The following COL25A1 variants were observed in gnomAD, a reference collection of about 807,000 sequenced individuals.
COL25A1 encodes the protein collagen alpha-1(XXV) chain.
Under a neutral mutation model 128.4 loss-of-function variants are expected in COL25A1, and 103 were observed. The ratio of observed to expected loss-of-function variants is 0.80; its 90% CI spans 0.68 to 0.94. The LOEUF (loss-of-function observed/expected upper bound fraction) is 0.94. COL25A1 is among the 40% of genes least tolerant of loss of function. The pLI is 0.00. For synonymous variants in COL25A1, 279 were observed against 277.2 expected, an observed-to-expected ratio of 1.01 and a Z score of -0.06; for missense variants, 745 against 840.0, an observed-to-expected ratio of 0.89 and a Z score of 1.40.
At chr4:109,099,931 C>A (rs1765739211) in intron 3 of COL25A1, among the ~76,000 whole-genome samples, 2 of 152,154 alleles carry the variant, frequency 1.3e-5, no homozygotes, top group African/African-American at 2.4e-5. Context: ...ATTTTTTTCA[C>A]CTCCAAATTG....
intron 3 of COL25A1, among the ~76,000 whole-genome samples, chr4:109,214,294 A>T (rs1451941121): frequency 6.6e-6 from 1 of 152,164 alleles, no homozygotes; most frequent in Admixed American, 6.6e-5. Context: ...CAATAGCATT[A>T]AAATGAGGCT....
At chr4:109,000,907 C>T (rs1461380904) in intron 6 of COL25A1, among the ~76,000 whole-genome samples, 1 of 150,328 alleles carries the variant, frequency 6.7e-6, no homozygotes, top group Non-Finnish European at 1.5e-5. Flanking sequence ...TGTGTGGAAA[C>T]TGAGTGTGTC....
intron 27 of COL25A1, 143 bp from the exon 28 acceptor site, chr4:108,846,362 T>C: frequency 1.6e-6 from 1 of 635,134 alleles, no homozygotes; most frequent in Non-Finnish European, 2.9e-6. Context: ...TTAGGTAGAG[T>C]TATTTCTTAC....
chr4:109,171,405 G>A (rs1305802064), intron 3 of COL25A1, among the ~76,000 whole-genome samples: 3 of 152,144 alleles, frequency 2.0e-5, no homozygotes, highest in Non-Finnish European at 4.4e-5. Flanking sequence ...GGTCATGAGG[G>A]TGGAATTCAC....
At chr4:108,829,092 A>C (rs1732741719) in intron 32 of COL25A1, among the ~76,000 whole-genome samples, 1 of 152,256 alleles carries the variant, frequency 6.6e-6, no homozygotes, top group Non-Finnish European at 1.5e-5. Flanking sequence ...CACAGTGGCC[A>C]GATTTTAAAT....
chr4:109,186,553 T>G (rs1775149932), intron 3 of COL25A1, among the ~76,000 whole-genome samples: 1 of 152,210 alleles, frequency 6.6e-6, no homozygotes, highest in East Asian at 1.9e-4. Flanking sequence ...AATCTAAGAA[T>G]GTTCTAGCAG....
intron 3 of COL25A1, among the ~76,000 whole-genome samples, chr4:109,187,788 T>C (rs1254811346): frequency 6.6e-6 from 1 of 152,200 alleles, no homozygotes; most frequent in East Asian, 1.9e-4. Context: ...GGATGTGATG[T>C]CTTCTCTCAT....
chr4:109,298,911 C>T (rs1032400857), intron 3 of COL25A1, among the ~76,000 whole-genome samples: 5 of 152,120 alleles, frequency 3.3e-5, no homozygotes, highest in African/African-American at 1.2e-4. Flanking sequence ...TTATTACGTT[C>T]ACATGCTAAG....
chr4:109,192,029 T>C (rs967715106), intron 3 of COL25A1, among the ~76,000 whole-genome samples: 1 of 152,228 alleles, frequency 6.6e-6, no homozygotes, highest in African/African-American at 2.4e-5. Flanking sequence ...CTAAGTTAAA[T>C]AGCCATTTGA....
At chr4:108,925,870 G>T (rs1745990010) in intron 11 of COL25A1, among the ~76,000 whole-genome samples, 1 of 152,102 alleles carries the variant, frequency 6.6e-6, no homozygotes, top group Non-Finnish European at 1.5e-5. Flanking sequence ...AAATTACATG[G>T]TATCATTAAC....
At chr4:108,841,755 T>C (rs752753327) in intron 30 of COL25A1, 34 bp from the exon 31 acceptor site, 21 of 1,549,982 alleles carry the variant, frequency 1.4e-5, no homozygotes, top group African/African-American at 2.7e-5. Context: ...TAATTAAGAA[T>C]TGATTCCCTG....
intron 3 of COL25A1, among the ~76,000 whole-genome samples, chr4:109,297,124 A>T (rs1223200739): frequency 1.3e-5 from 2 of 152,100 alleles, no homozygotes; most frequent in Admixed American, 6.6e-5. Flanking sequence ...TATTATTTTT[A>T]AAATTATCAT....
intron 13 of COL25A1, among the ~76,000 whole-genome samples, chr4:108,907,528 C>T (rs927514003): frequency 2.6e-5 from 4 of 152,216 alleles, no homozygotes; most frequent in African/African-American, 4.8e-5. Flanking sequence ...TCACTAACAT[C>T]TGCTTTTCCC....
Position 109,293,042 on chromosome 4 carries a change from T to C in COL25A1, c.367+7541A>G, listed in dbSNP as rs139475419. 4.6e-5 allele frequency among the ~76,000 whole-genome samples: 7 copies of C among 152,108 alleles called. No individual in the cohort carries two copies. In the South Asian group the frequency reaches 1.5e-3, roughly 32 times the overall value. On this transcript the variant is annotated intron_variant, in intron 3 of 37. Coordinates refer to ENST00000399132, the MANE Select transcript of COL25A1 (RefSeq NM_198721.4). ...TTAAAATGCCAGCTGGAATCTGGAG[T>C]CCCTGAGATGACAAATTGGGGTTTC...
At chr4:109,276,736 A>G (rs1048674512) in intron 3 of COL25A1, among the ~76,000 whole-genome samples, 24 of 152,276 alleles carry the variant, frequency 1.6e-4, no homozygotes, top group Admixed American at 7.2e-4. Context: ...GAATTCTCTC[A>G]ATGATGGCGA....
chr4:109,164,568 A>T (rs528925975), intron 3 of COL25A1, among the ~76,000 whole-genome samples: 1 of 152,196 alleles, frequency 6.6e-6, no homozygotes, highest in Non-Finnish European at 1.5e-5. Flanking sequence ...TACTCCAACT[A>T]GTGCAAGTTT....
chr4:108,976,694 A>G (rs1465020582), intron 6 of COL25A1, among the ~76,000 whole-genome samples: 1 of 152,212 alleles, frequency 6.6e-6, no homozygotes, highest in East Asian at 1.9e-4. Context: ...GGAGGCTGCT[A>G]TGTCACTGCA....
chr4:108,850,833 G>A (rs1196359811), intron 26 of COL25A1, among the ~76,000 whole-genome samples: 1 of 152,076 alleles, frequency 6.6e-6, no homozygotes, highest in Non-Finnish European at 1.5e-5. Flanking sequence ...AAAACCAGGG[G>A]AATATAGGTT....
At chr4:109,168,729 C>A (rs778684242) in intron 3 of COL25A1, among the ~76,000 whole-genome samples, 13 of 152,096 alleles carry the variant, frequency 8.5e-5, no homozygotes, top group South Asian at 2.1e-4. Context: ...AAAACTAAAC[C>A]AAGCTGTGAC....
Sources: allele counts gnomAD v4.1 joint callset (sites outside exome capture counted in the v4.1 genomes callset), GRCh38; gene constraint gnomAD v4.1.1; transcripts MANE v1.5; gene names NCBI Gene and HGNC (gene_info 2026-07-23, HGNC 2026-07-21).